TRIM14: variants seen among roughly 807,000 people sequenced by gnomAD.
TRIM14 encodes tripartite motif containing 14.
A neutral mutation model predicts 44.5 loss-of-function variants in TRIM14; 28 were observed. The observed-to-expected ratio is 0.63, with a 90% confidence interval of 0.47 to 0.86. TRIM14 has a LOEUF of 0.86. Among genes scored for constraint, TRIM14 ranks in the 40% least tolerant of loss-of-function variants. The pLI, the probability that TRIM14 is intolerant of heterozygous loss-of-function variation, is 0.00. For missense variants in TRIM14, 607 were observed against 611.1 expected (o/e 0.99, Z 0.07); for synonymous variants, 299 against 269.2 (o/e 1.11, Z -1.08).
the TRIM14 span, among the ~76,000 whole-genome samples, chr9:98,052,660 A>G: frequency 6.6e-6 from 1 of 152,190 alleles, no homozygotes; most frequent in African/African-American, 2.4e-5. Flanking sequence ...GGCGTGTGCC[A>G]CCACGCCTGC....
intron 6 of TRIM14, chr9:98,078,328 T>G (rs1241967321): frequency 6.2e-7 from 1 of 1,613,904 alleles, no homozygotes; most frequent in South Asian, 1.1e-5. Context: ...CCTGAGGACG[T>G]CAACCTGCGG....
At chr9:98,055,593 G>C in the TRIM14 span, among the ~76,000 whole-genome samples, 4 of 152,206 alleles carry the variant, frequency 2.6e-5, no homozygotes, top group Admixed American at 6.5e-5. Flanking sequence ...ATTTGGGGAG[G>C]GTCAGAATCT....
At chr9:98,104,239 A>C (rs528474067) in intron 2 of TRIM14, among the ~76,000 whole-genome samples, 1 of 152,374 alleles carries the variant, frequency 6.6e-6, no homozygotes, top group African/African-American at 2.4e-5. Context: ...GAAGAAAATA[A>C]AATGTATTTC....
chr9:98,060,976 C>A, the TRIM14 span: 1 of 1,613,904 alleles, frequency 6.2e-7, no homozygotes, highest in Non-Finnish European at 8.5e-7. Context: ...GGATCTTCTT[C>A]ACTGCCTCTG....
intron 2 of TRIM14, among the ~76,000 whole-genome samples, chr9:98,109,216 C>CTGCG (rs1211535476): frequency 6.6e-6 from 1 of 151,694 alleles, no homozygotes; most frequent in Non-Finnish European, 1.5e-5. Flanking sequence ...CCAGCCCTCA[C>CTGCG]TGCGAGGAGG....
intron 4 of TRIM14, 34 bp from the exon 5 acceptor site, chr9:98,092,035 G>A: frequency 6.6e-7 from 1 of 1,518,696 alleles, no homozygotes; most frequent in Non-Finnish European, 9.0e-7. Context: ...AGCGCCCGGA[G>A]CTTATGCAAG....
At chr9:98,109,076 G>C (rs1378598077) in intron 2 of TRIM14, among the ~76,000 whole-genome samples, 1 of 151,974 alleles carries the variant, frequency 6.6e-6, no homozygotes, top group Non-Finnish European at 1.5e-5. Context: ...AGAGATGGGA[G>C]TCTCACTATC....
At chr9:98,066,914 G>T (rs960476342), downstream of TRIM14, among the ~76,000 whole-genome samples, 1 of 152,152 alleles carries the variant, frequency 6.6e-6, no homozygotes, top group Non-Finnish European at 1.5e-5. Flanking sequence ...GCCTCCCAAA[G>T]TGCTGGGATT....
At chr9:98,045,029 C>A in the TRIM14 span, among the ~76,000 whole-genome samples, 1 of 152,106 alleles carries the variant, frequency 6.6e-6, no homozygotes, top group African/African-American at 2.4e-5. Context: ...AGGAGAATTG[C>A]CTGAACCCAG....
the TRIM14 span, among the ~76,000 whole-genome samples, chr9:98,047,270 C>A: frequency 6.6e-6 from 1 of 152,156 alleles, no homozygotes; most frequent in African/African-American, 2.4e-5. Context: ...TGCCTTTCAC[C>A]ATAACTGTGA....
intron 4 of TRIM14, among the ~76,000 whole-genome samples, chr9:98,093,220 T>G (rs1424681880): frequency 6.6e-6 from 1 of 152,158 alleles, no homozygotes; most frequent in Non-Finnish European, 1.5e-5. Context: ...TCCACTCCTG[T>G]TGTCCCCATT....
chr9:98,079,317 T>C (rs1408456547), intron 6 of TRIM14, among the ~76,000 whole-genome samples: 2 of 152,192 alleles, frequency 1.3e-5, no homozygotes, highest in Non-Finnish European at 2.9e-5. Context: ...TTAAAACTAT[T>C]ATAGTAACAT....
downstream of TRIM14, among the ~76,000 whole-genome samples, chr9:98,068,458 C>A (rs900857400): frequency 6.7e-6 from 1 of 150,234 alleles, no homozygotes; most frequent in Non-Finnish European, 1.5e-5. Context: ...TTTTTTTTTC[C>A]TTTATTTCTC....
intron 4 of TRIM14, among the ~76,000 whole-genome samples, chr9:98,093,505 G>A (rs976005030): frequency 6.6e-6 from 1 of 152,070 alleles, no homozygotes; most frequent in African/African-American, 2.4e-5. Flanking sequence ...AAGATGGCAG[G>A]GTTCAGCAGG....
At position 98,087,727 on chromosome 9, in the gene TRIM14, T is replaced by C; in HGVS notation, c.1072A>G (p.Asn358Asp). The change falls in exon 6 of 6, where the codon AAC becomes GAC. Residue 358 changes from asparagine (N) to aspartate (D), a missense_variant. By Grantham distance (23) the Asn-to-Asp change is conservative. Transcript: ENST00000341469. ...CGCTTGAGGCACCAGGACTGGCGGT[T>C]GCAGCCCAGGCGGGCGGCGGCCGAG... ...GASAAARLGCNRQSWCLKRYD... is the reference protein window; with the variant it reads ...GASAAARLGCDRQSWCLKRYD... The C allele has an allele frequency of 6.3e-7, 1 of 1,589,218 alleles. No individual in the cohort carries two copies. Among genetic ancestry groups the C allele is most frequent in the Non-Finnish European group, 8.5e-7 (1 of 1,175,016 alleles).
chr9:98,036,407 A>G, the TRIM14 span, among the ~76,000 whole-genome samples: 1 of 151,408 alleles, frequency 6.6e-6, no homozygotes, highest in Non-Finnish European at 1.5e-5. Flanking sequence ...AAGCTGAAGC[A>G]GGAGAATCGC....
the TRIM14 span, among the ~76,000 whole-genome samples, chr9:98,037,393 C>CA: frequency 6.6e-6 from 1 of 151,504 alleles, no homozygotes; most frequent in South Asian, 2.1e-4. Flanking sequence ...AACAAACAAA[C>CA]AAAAAAAAGT....
At chr9:98,056,752 C>A in the TRIM14 span, 1 of 1,573,806 alleles carries the variant, frequency 6.4e-7, no homozygotes, top group Non-Finnish European at 8.6e-7. Context: ...GTAGAGGCGG[C>A]GGCGGCGGCG....
chr9:98,087,153 T>C lies in TRIM14; in HGVS notation c.*317A>G. On this transcript the variant is annotated 3_prime_UTR_variant, in exon 6 of 6. Coordinates refer to ENST00000341469, the MANE Select transcript of TRIM14 (RefSeq NM_014788.4). ...GAGAAGGTTCCCAGGCTGCGGATGATGTATTCAGGATGCTGAGGGCTTACC... is the reference window on the plus strand; with the variant it reads ...GAGAAGGTTCCCAGGCTGCGGATGACGTATTCAGGATGCTGAGGGCTTACC... 1 of 606,970 alleles carries C rather than the reference T, an allele frequency of 1.6e-6. No individual in the cohort carries two copies. Among genetic ancestry groups the C allele is most frequent in the South Asian group, 1.6e-5 (1 of 62,530 alleles). 37.6% of individuals were successfully genotyped at this position (606,970 alleles called of 1,614,324 possible).
Sources: gnomAD v4.1 joint callset for allele counts (sites outside exome capture counted in the v4.1 genomes callset) on GRCh38, gnomAD v4.1.1 for gene constraint, MANE v1.5 for transcripts, NCBI Gene and HGNC (gene_info 2026-07-23, HGNC 2026-07-21) for gene names.